Variants in SH3BGRL observed in about 807,000 individuals in gnomAD.
SH3BGRL encodes adapter SH3BGRL.
In SH3BGRL, 7 loss-of-function variants were observed where a neutral mutation model predicts 9.8. The ratio of observed to expected loss-of-function variants is 0.72; its 90% CI spans 0.41 to 1.35. The LOEUF (loss-of-function observed/expected upper bound fraction) is 1.35. Ranked by LOEUF, SH3BGRL falls within the 40% of genes most tolerant of loss-of-function variation. The pLI, the probability that SH3BGRL is intolerant of heterozygous loss-of-function variation, is 0.01. For synonymous variants in SH3BGRL, 36 were observed against 29.1 expected, an observed-to-expected ratio of 1.24 and a Z score of -0.76; for missense variants, 73 against 84.4, an observed-to-expected ratio of 0.86 and a Z score of 0.53.
chrX:81,207,754 A>G (rs1302079483), intron 1 of SH3BGRL, among the ~76,000 whole-genome samples: 1 of 111,843 alleles, frequency 8.9e-6, no homozygotes, highest in African/African-American at 3.3e-5. Context: ...CAGCTTTCAC[A>G]TGGCAAATGT....
At position 81,267,494 on chromosome X, in the gene SH3BGRL, T is replaced by A. The variant is rs186119931; in HGVS notation, c.46-9490T>A. Among the ~76,000 whole-genome samples the A allele has an allele frequency of 3.6e-5, 4 of 112,160 alleles. No individual in the cohort carries two copies. In the East Asian group the frequency reaches 1.1e-3, roughly 32 times the overall value. Reference sequence around the variant, plus strand: ...TGCTTCTTGTCGTTGGTTCTGTTTATGTGATGGATTACGTTTATTGATTTC... The same window carrying A: ...TGCTTCTTGTCGTTGGTTCTGTTTAAGTGATGGATTACGTTTATTGATTTC... On this transcript the variant is annotated intron_variant, in intron 1 of 3. Coordinates refer to ENST00000373212, the MANE Select transcript of SH3BGRL (RefSeq NM_003022.3).
chrX:81,272,043 A>T (rs1356284864), intron 1 of SH3BGRL, among the ~76,000 whole-genome samples: 1 of 108,776 alleles, frequency 9.2e-6, no homozygotes, highest in Non-Finnish European at 1.9e-5. Flanking sequence ...AAATACAAAA[A>T]AAAATTAGCC....
chrX:81,277,242 C>G, intron 2 of SH3BGRL, 73 bp downstream of exon 2: 1 of 885,451 alleles, frequency 1.1e-6, no homozygotes. Flanking sequence ...TCACCTCTGC[C>G]TCCAAGCCTG....
At chrX:81,294,036 G>A (rs1237861646) in intron 3 of SH3BGRL, among the ~76,000 whole-genome samples, 1 of 110,945 alleles carries the variant, frequency 9.0e-6, no homozygotes, top group Non-Finnish European at 1.9e-5. Flanking sequence ...GCATTCAAGA[G>A]GTGACTTGGG....
In SH3BGRL at chrX:81,297,267, C is replaced by T; in HGVS notation, c.*40C>T. ...GCTTTAAGCATCCTGAAAAATGAGT[C>T]TCCATTGCTTTTATAAAATAGCAGA... is the stretch of plus-strand genomic sequence containing the variant. On this transcript the variant is annotated 3_prime_UTR_variant, in exon 4 of 4. Transcript: ENST00000373212. 1 of 1,107,622 alleles carries T rather than the reference C, an allele frequency of 9.0e-7. No individual in the cohort carries two copies. The highest frequency in any genetic ancestry group is 1.2e-6 in the Non-Finnish European group (1 of 809,310). The allele number at this position is 1,107,622 out of a possible 1,213,427, so 91.3% of individuals were successfully genotyped here.
intron 3 of SH3BGRL, among the ~76,000 whole-genome samples, chrX:81,284,075 A>G (rs1190595153): frequency 9.5e-6 from 1 of 105,477 alleles, no homozygotes; most frequent in African/African-American, 3.5e-5. Context: ...ATGTTAGCTG[A>G]AAAAAAAAAC....
chrX:81,285,490 A>G (rs1481251335), intron 3 of SH3BGRL, among the ~76,000 whole-genome samples: 1 of 111,720 alleles, frequency 9.0e-6, no homozygotes. Flanking sequence ...TGGGTATTAT[A>G]ATCAAGTGAA....
At chrX:81,289,285 G>T (rs1306757321) in intron 3 of SH3BGRL, among the ~76,000 whole-genome samples, 3 of 111,787 alleles carry the variant, frequency 2.7e-5, no homozygotes, top group Non-Finnish European at 5.6e-5. Context: ...TCACAATGAA[G>T]ACTTAAATCT....
intron 1 of SH3BGRL, among the ~76,000 whole-genome samples, chrX:81,226,516 A>G (rs956064743): frequency 1.9e-5 from 2 of 103,979 alleles, no homozygotes; most frequent in Non-Finnish European, 3.9e-5. Flanking sequence ...ATCTATATAT[A>G]TATATCTATA....
intron 1 of SH3BGRL, among the ~76,000 whole-genome samples, chrX:81,205,994 G>A (rs1274493548): frequency 1.8e-5 from 2 of 111,185 alleles, no homozygotes; most frequent in Admixed American, 1.9e-4. Flanking sequence ...ACCTGTTTGC[G>A]ATTTGTATGT....
chrX:81,270,895 C>T (rs1414098590), intron 1 of SH3BGRL, among the ~76,000 whole-genome samples: 1 of 112,037 alleles, frequency 8.9e-6, no homozygotes, highest in East Asian at 2.8e-4. Context: ...CCAGTTCAAG[C>T]TGCCCTGCCA....
At chrX:81,220,370 T>A (rs2147672187) in intron 1 of SH3BGRL, among the ~76,000 whole-genome samples, 1 of 111,541 alleles carries the variant, frequency 9.0e-6, no homozygotes, top group East Asian at 2.8e-4. Flanking sequence ...TCTAGGAATT[T>A]ATCAATTTCT....
chrX:81,242,140 C>T (rs1419424432), intron 1 of SH3BGRL, among the ~76,000 whole-genome samples: 3 of 112,178 alleles, frequency 2.7e-5, no homozygotes, highest in Non-Finnish European at 5.6e-5. Context: ...CAAAATGACA[C>T]CCCAAGAATC....
intron 1 of SH3BGRL, among the ~76,000 whole-genome samples, chrX:81,206,370 A>G (rs774533702): frequency 8.9e-6 from 1 of 111,887 alleles, no homozygotes; most frequent in South Asian, 3.7e-4. Context: ...ATACTATCTC[A>G]TTTTTAAAAA....
intron 3 of SH3BGRL, among the ~76,000 whole-genome samples, chrX:81,291,034 T>G (rs772446786): frequency 1.8e-5 from 2 of 112,148 alleles, no homozygotes; most frequent in Admixed American, 1.9e-4. Flanking sequence ...TTTTGAGTTA[T>G]GTGTAGAAAT....
chrX:81,236,719 G>T (rs989370296), intron 1 of SH3BGRL, among the ~76,000 whole-genome samples: 1 of 112,065 alleles, frequency 8.9e-6, no homozygotes, highest in Non-Finnish European at 1.9e-5. Flanking sequence ...GTAGTTTAGA[G>T]AATGCTCACT....
intron 1 of SH3BGRL, among the ~76,000 whole-genome samples, chrX:81,225,460 A>T (rs1438151769): frequency 9.0e-6 from 1 of 110,609 alleles, no homozygotes. Context: ...ACTCTGCATG[A>T]CTATGTGTAT....
At chrX:81,208,038 C>T (rs935834506) in intron 1 of SH3BGRL, among the ~76,000 whole-genome samples, 6 of 111,392 alleles carry the variant, frequency 5.4e-5, no homozygotes, top group African/African-American at 9.8e-5. Context: ...AGGCGGATCA[C>T]GAGGTCAGGA....
chrX:81,223,243 C>G (rs1444830779), intron 1 of SH3BGRL, among the ~76,000 whole-genome samples: 2 of 111,581 alleles, frequency 1.8e-5, no homozygotes, highest in Non-Finnish European at 3.8e-5. Flanking sequence ...TCATGAAGTC[C>G]TTGCCCATGC....
Sources: allele counts gnomAD v4.1 joint callset (sites outside exome capture counted in the v4.1 genomes callset), GRCh38; gene constraint gnomAD v4.1.1; transcripts MANE v1.5; gene names NCBI Gene and HGNC (gene_info 2026-07-23, HGNC 2026-07-21).